The following EBF2 variants were observed in gnomAD, a reference collection of about 807,000 sequenced individuals.
The protein encoded by EBF2 is EBF transcription factor 2.
Under a neutral mutation model 72.8 loss-of-function variants are expected in EBF2, and 21 were observed. The observed-to-expected ratio is 0.29, with a 90% CI of 0.20 to 0.42. The LOEUF is 0.42. Among genes scored for constraint, EBF2 ranks in the 10% least tolerant of loss-of-function variants. The pLI is 1.00. For synonymous variants in EBF2, 299 were observed against 274.2 expected (o/e 1.09, Z -0.89); for missense variants, 637 against 731.2 (o/e 0.87, Z 1.49).
At chr8:25,847,223 T>C (rs1253730262) in intron 15 of EBF2, among the ~76,000 whole-genome samples, 1 of 152,040 alleles carries the variant, frequency 6.6e-6, no homozygotes, top group Non-Finnish European at 1.5e-5. Context: ...AGCATATGCC[T>C]TTGCAGACAA....
rs1042332878 is a variant in EBF2, at chr8:26,044,303, C to A, written c.131+426G>T. Among the ~76,000 whole-genome samples, 16 of 152,208 alleles carry A rather than the reference C, an allele frequency of 1.1e-4. No homozygotes were observed. Among genetic ancestry groups the A allele is most frequent in the African/African-American group, 3.9e-4 (16 of 41,458 alleles). ...CAGCAAGATGCGGGAGGTAGGCGCT[C>A]GCAGGCGGCGTGGCGAAGCCAAGAG... On this transcript the variant is annotated intron_variant, in intron 1 of 15. Coordinates refer to ENST00000520164, the MANE Select transcript of EBF2 (RefSeq NM_022659.4). The surrounding 1 kb of genome is among the most constrained non-coding windows in gnomAD (Gnocchi z 4.1).
Position 26,042,080 on chromosome 8 carries a change from G to T in EBF2, c.288+15C>A, listed in dbSNP as rs117195303. ...GTTATTAGGCCGCGGGGTTTGGGGG[G>T]TACTTTCCGCTTACTTTGTCATTCT... On this transcript the variant is annotated intron_variant, in intron 2 of 15. Transcript: ENST00000520164. 0.048 allele frequency: 77,039 copies of T among 1,612,406 alleles called. 2,185 individuals carry two copies. Among genetic ancestry groups the T allele is most frequent in the South Asian group, 0.086 (7,816 of 90,956 alleles).
chr8:25,993,796 C>A (rs976895255), intron 6 of EBF2, among the ~76,000 whole-genome samples: 1 of 151,022 alleles, frequency 6.6e-6, no homozygotes, highest in Admixed American at 6.6e-5. Flanking sequence ...TCCATTATGT[C>A]TTTTGGGGGG....
chr8:25,997,123 C>A (rs1472607540), intron 6 of EBF2, among the ~76,000 whole-genome samples: 2 of 152,176 alleles, frequency 1.3e-5, no homozygotes, highest in South Asian at 2.1e-4. Context: ...GCAGAACTTG[C>A]AGGTGGTGTG....
At chr8:26,043,487 C>G (rs1432598741) in intron 1 of EBF2, among the ~76,000 whole-genome samples, 1 of 152,212 alleles carries the variant, frequency 6.6e-6, no homozygotes, top group Non-Finnish European at 1.5e-5. Context: ...GCCTTATTTC[C>G]CTTAGCTCGC....
chr8:26,025,759 T>C (rs1472455458), intron 6 of EBF2, among the ~76,000 whole-genome samples: 1 of 152,080 alleles, frequency 6.6e-6, no homozygotes, highest in Admixed American at 6.6e-5. Context: ...TAACAAAGGT[T>C]TTGCTAGGAA....
At chr8:25,973,082 A>G (rs933251613) in intron 6 of EBF2, among the ~76,000 whole-genome samples, 1 of 151,942 alleles carries the variant, frequency 6.6e-6, no homozygotes, top group African/African-American at 2.4e-5. Context: ...AAAGCACAGT[A>G]TTTACCCAGG....
intron 8 of EBF2, among the ~76,000 whole-genome samples, chr8:25,888,897 C>T (rs928585942): frequency 6.6e-6 from 1 of 152,190 alleles, no homozygotes; most frequent in Admixed American, 6.5e-5. Flanking sequence ...GGATGGGTTC[C>T]TAGTCCTGAA....
chr8:25,927,257 A>G (rs796098759), intron 6 of EBF2, among the ~76,000 whole-genome samples: 4 of 151,912 alleles, frequency 2.6e-5, no homozygotes, highest in African/African-American at 9.7e-5. Context: ...CAGACTTGCC[A>G]TCTCCCACCC....
In EBF2 at chr8:25,897,998, G is replaced by A. The variant is rs141715083; in HGVS notation, c.634-8129C>T. Among the ~76,000 whole-genome samples, 1,205 of 152,218 alleles carry A rather than the reference G, an allele frequency of 7.9e-3. 7 individuals are homozygous for A. The highest frequency in any genetic ancestry group is 0.012 in the Non-Finnish European group (843 of 68,004). The stretch of plus-strand genomic sequence containing the variant: ...TTCCATCAGTCACTGGGTATTTATT[G>A]AGACCCCTAGGCGCTCTGCTACATG... On this transcript the variant is annotated intron_variant, in intron 7 of 15. Coordinates refer to ENST00000520164, the MANE Select transcript of EBF2 (RefSeq NM_022659.4).
intron 6 of EBF2, among the ~76,000 whole-genome samples, chr8:25,988,587 T>C (rs1443843647): frequency 6.6e-6 from 1 of 152,210 alleles, no homozygotes; most frequent in Non-Finnish European, 1.5e-5. Context: ...ATAACTTCCA[T>C]GTAGCTGGCA....
At chr8:26,018,112 G>T (rs1805142038) in intron 6 of EBF2, among the ~76,000 whole-genome samples, 1 of 146,476 alleles carries the variant, frequency 6.8e-6, no homozygotes, top group Middle Eastern at 3.6e-3. Flanking sequence ...GGTTGGAAAA[G>T]TTTTTTTTTT....
chr8:25,844,739 G>T, intron 15 of EBF2, 99 bp from the exon 16 acceptor site: 1 of 1,471,124 alleles, frequency 6.8e-7, no homozygotes, highest in Non-Finnish European at 9.5e-7. Flanking sequence ...GATAGAGTCT[G>T]ATGCTATTCA....
intron 14 of EBF2, among the ~76,000 whole-genome samples, chr8:25,855,225 G>A (rs1802063784): frequency 6.6e-6 from 1 of 152,092 alleles, no homozygotes; most frequent in Non-Finnish European, 1.5e-5. Flanking sequence ...AACTCACCGG[G>A]CACATATCCT....
In EBF2 at chr8:25,858,455, G is replaced by T. The variant is rs151033193; in HGVS notation, c.1392C>A (p.Ser464Arg). 4 of 1,614,070 alleles carry T rather than the reference G, an allele frequency of 2.5e-6. No homozygotes were observed. Among genetic ancestry groups the T allele is most frequent in the Non-Finnish European group, 3.4e-6 (4 of 1,180,014 alleles). Residue 464 changes from serine (S) to arginine (R), a missense_variant, in exon 14 of 16, where the codon AGC becomes AGA. Around this residue, in one of 3 missense-constraint regions of EBF2, gnomAD observed 259 missense variants for 268.1 expected, o/e 0.97. Coordinates refer to ENST00000520164, the MANE Select transcript of EBF2 (RefSeq NM_022659.4). ...TGTAATTAGACTGTTGAGGCGTGGA[G>T]CTGGAAGAGTATCCCCGCGGAGAGA... ...SSISPRGYSSSSTPQQSNYST... is the reference protein window; with the variant it reads ...SSISPRGYSSRSTPQQSNYST...
At chr8:25,864,683 A>C (rs1802273322) in intron 10 of EBF2, among the ~76,000 whole-genome samples, 1 of 152,100 alleles carries the variant, frequency 6.6e-6, no homozygotes, top group African/African-American at 2.4e-5. Context: ...ATTCTGTTTT[A>C]TTGATCTATT....
chr8:25,910,673 G>A (rs1015146996), intron 6 of EBF2, among the ~76,000 whole-genome samples: 1 of 152,110 alleles, frequency 6.6e-6, no homozygotes, highest in Non-Finnish European at 1.5e-5. Context: ...TTTTAAATTA[G>A]GACCCTTAAC....
intron 10 of EBF2, among the ~76,000 whole-genome samples, chr8:25,865,064 G>C (rs768061696): frequency 6.6e-6 from 1 of 152,082 alleles, no homozygotes; most frequent in African/African-American, 2.4e-5. Context: ...GCCTCACAAA[G>C]TGCTGGGATT....
At chr8:25,920,153 C>A (rs1369472796) in intron 6 of EBF2, among the ~76,000 whole-genome samples, 1 of 152,120 alleles carries the variant, frequency 6.6e-6, no homozygotes, top group Non-Finnish European at 1.5e-5. Flanking sequence ...AAAGAATACA[C>A]AAAGGGTCAT....
Sources: gnomAD v4.1 joint callset for allele counts (sites outside exome capture counted in the v4.1 genomes callset) on GRCh38, gnomAD v4.1.1 for gene constraint, gnomAD v4.1.1 regional missense constraint, Gnocchi (gnomAD v3.1) non-coding constraint, MANE v1.5 for transcripts, NCBI Gene and HGNC (gene_info 2026-07-23, HGNC 2026-07-21) for gene names.